The following PPP1R9A variants were observed in gnomAD, a reference collection of about 807,000 sequenced individuals.
PPP1R9A encodes neurabin-1.
In PPP1R9A, 59 loss-of-function variants were observed where a neutral mutation model predicts 141.9. The ratio of observed to expected loss-of-function variants is 0.42; its 90% CI spans 0.34 to 0.52. The LOEUF (loss-of-function observed/expected upper bound fraction) is 0.52. Ranked by LOEUF, PPP1R9A falls within the 20% of genes least tolerant of loss-of-function variation. The pLI, the probability that PPP1R9A is intolerant of heterozygous loss-of-function variation, is 0.10. For synonymous variants in PPP1R9A, 500 were observed against 569.7 expected, an observed-to-expected ratio of 0.88 and a Z score of 1.74; for missense variants, 1,444 against 1,611.9, an observed-to-expected ratio of 0.90 and a Z score of 1.78.
rs776614572 is a variant in PPP1R9A at position 95,274,063 on chromosome 7, T to C, written c.3213-22T>C. The stretch of plus-strand genomic sequence containing the variant: ...AGAGAAAATTTCAGCTTCCCCTTTC[T>C]GACTGCTTACTATCATTACAGGGCG... On this transcript the variant is annotated intron_variant, in intron 15 of 19. Transcript: ENST00000433360. 9.1e-6 allele frequency: 14 copies of C among 1,531,514 alleles called. No homozygotes were observed. In the South Asian group the frequency reaches 1.6e-4, roughly 18 times the overall value. 94.9% of individuals were successfully genotyped at this position (1,531,514 alleles called of 1,614,324 possible). A position where few individuals can be genotyped will look rare whatever the true frequency, so the allele number is the denominator to read the frequency against.
rs145727119 is a variant in PPP1R9A, at chr7:95,111,895, A to C, written c.1528+504A>C. On this transcript the variant is annotated intron_variant, in intron 3 of 19. Coordinates refer to ENST00000433360, the MANE Select transcript of PPP1R9A (RefSeq NM_001166160.2). ...GAGGGAGCAGAAAGGCTTCCTTCTG[A>C]TTTCTCTCCCAGGAATGACACCCTG... 5.2e-3 allele frequency among the ~76,000 whole-genome samples: 791 copies of C among 152,160 alleles called. 8 individuals are homozygous for C. Among genetic ancestry groups the C allele is most frequent in the African/African-American group, 0.018 (734 of 41,498 alleles).
intron 2 of PPP1R9A, among the ~76,000 whole-genome samples, chr7:95,073,775 T>G (rs1814386312): frequency 6.6e-6 from 1 of 151,900 alleles, no homozygotes; most frequent in African/African-American, 2.4e-5. Context: ...GTAGAGACAG[T>G]CTTGCTGTGT....
intron 12 of PPP1R9A, among the ~76,000 whole-genome samples, chr7:95,265,184 C>G (rs1801085339): frequency 6.6e-6 from 1 of 152,074 alleles, no homozygotes; most frequent in Non-Finnish European, 1.5e-5. Context: ...CAAAGTTAGC[C>G]CTTGACATGT....
intron 8 of PPP1R9A, among the ~76,000 whole-genome samples, chr7:95,235,970 G>A (rs1016301077): frequency 7.9e-5 from 12 of 152,120 alleles, no homozygotes; most frequent in African/African-American, 2.9e-4. Flanking sequence ...TGAGTGATAA[G>A]TTGGACTTTG....
chr7:95,247,392 G>T, intron 8 of PPP1R9A, 81 bp from the exon 9 acceptor site: 1 of 1,146,702 alleles, frequency 8.7e-7, no homozygotes, highest in Non-Finnish European at 1.3e-6. Context: ...TATGTAATAA[G>T]GCATTCTTGT....
chr7:94,958,505 C>T (rs1229804536), intron 2 of PPP1R9A, among the ~76,000 whole-genome samples: 1 of 152,002 alleles, frequency 6.6e-6, no homozygotes, highest in Non-Finnish European at 1.5e-5. Context: ...CATTTTCTTA[C>T]TCTCACCTTC....
chr7:95,182,992 T>C (rs1834079997), intron 5 of PPP1R9A, among the ~76,000 whole-genome samples: 1 of 152,198 alleles, frequency 6.6e-6, no homozygotes, highest in Non-Finnish European at 1.5e-5. Context: ...GAAATGTTGT[T>C]CCTGGAAGGG....
In PPP1R9A at chr7:95,262,275, A is replaced by G. The variant is rs185827792; in HGVS notation, c.2666-6275A>G. 9.0e-4 allele frequency among the ~76,000 whole-genome samples: 137 copies of G among 152,296 alleles called. 2 individuals carry two copies. The highest frequency in any genetic ancestry group is 8.0e-3 in the Admixed American group (123 of 15,302). Reference sequence around the variant, plus strand: ...CATGATGTCATAGTTCTACTCATAGATGCCTGCAGTCCCCAACTAGTTTGT... The same window carrying G: ...CATGATGTCATAGTTCTACTCATAGGTGCCTGCAGTCCCCAACTAGTTTGT... On this transcript the variant is annotated intron_variant, in intron 12 of 19. Coordinates refer to ENST00000433360, the MANE Select transcript of PPP1R9A (RefSeq NM_001166160.2).
At chr7:95,091,323 G>C (rs1817310966) in intron 2 of PPP1R9A, among the ~76,000 whole-genome samples, 1 of 143,198 alleles carries the variant, frequency 7.0e-6, no homozygotes, top group Non-Finnish European at 1.5e-5. Context: ...CTGTCTCTTT[G>C]CCTTGTTTTA....
At chr7:94,923,323 T>A (rs138158076) in intron 2 of PPP1R9A, among the ~76,000 whole-genome samples, 1 of 152,340 alleles carries the variant, frequency 6.6e-6, no homozygotes, top group East Asian at 1.9e-4. Context: ...ATGAGTAGTC[T>A]TACTAAAAAT....
chr7:95,241,489 G>T (rs963513394), intron 8 of PPP1R9A, among the ~76,000 whole-genome samples: 1 of 152,084 alleles, frequency 6.6e-6, no homozygotes. Flanking sequence ...ATGAACTGTT[G>T]TTTTTAGTTG....
At chr7:95,058,283 T>C (rs2152055712) in intron 2 of PPP1R9A, among the ~76,000 whole-genome samples, 1 of 152,324 alleles carries the variant, frequency 6.6e-6, no homozygotes, top group South Asian at 2.1e-4. Flanking sequence ...AGGTATTAGA[T>C]GTTATAACTG....
At chr7:95,175,458 T>C (rs1832761542) in intron 5 of PPP1R9A, among the ~76,000 whole-genome samples, 1 of 151,884 alleles carries the variant, frequency 6.6e-6, no homozygotes, top group Non-Finnish European at 1.5e-5. Context: ...CTATTTTCCT[T>C]CTATATATAA....
chr7:95,152,485 G>A (rs1450381183), intron 4 of PPP1R9A, among the ~76,000 whole-genome samples: 1 of 152,028 alleles, frequency 6.6e-6, no homozygotes, highest in Non-Finnish European at 1.5e-5. Context: ...TGTCCCATAT[G>A]TTATAAATCA....
chr7:94,908,356 T>G (rs1791032816), intron 1 of PPP1R9A: 1 of 152,114 alleles, frequency 6.6e-6, no homozygotes, highest in African/African-American at 2.4e-5. Flanking sequence ...CCTGTAATTT[T>G]TTTTCTTTTC....
chr7:94,967,273 T>A (rs1200738600), intron 2 of PPP1R9A, among the ~76,000 whole-genome samples: 1 of 152,152 alleles, frequency 6.6e-6, no homozygotes, highest in Non-Finnish European at 1.5e-5. Context: ...GCTCCTGGAT[T>A]CATTGATTTT....
intron 2 of PPP1R9A, among the ~76,000 whole-genome samples, chr7:94,934,317 TGTA>T (rs1210183642): frequency 1.3e-5 from 2 of 152,184 alleles, no homozygotes; most frequent in East Asian, 3.8e-4. Flanking sequence ...ACAGCACACC[TGTA>T]ACAATTTAGA....
Position 95,211,853 on chromosome 7 carries a change from A to C in PPP1R9A, c.1956+8123A>C, listed in dbSNP as rs980641953. Among the ~76,000 whole-genome samples, 5 of 152,126 alleles carry C rather than the reference A, an allele frequency of 3.3e-5. No individual in the cohort carries two copies. The South Asian group carries it at 1.0e-3, about 32-fold the overall frequency. ...TAATTTTGTAAAAGCCCGGCATGGC[A>C]TTGCTGCATGCCTATAGTCCCAACT... On this transcript the variant is annotated intron_variant, in intron 7 of 19. Transcript: ENST00000433360.
chr7:95,204,209 CAT>C (rs1053958628), intron 7 of PPP1R9A, among the ~76,000 whole-genome samples: 12 of 152,142 alleles, frequency 7.9e-5, no homozygotes, highest in African/African-American at 2.9e-4. Flanking sequence ...ATATGGTAGA[CAT>C]ATCAAAATAT....
Sources: allele counts gnomAD v4.1 joint callset (sites outside exome capture counted in the v4.1 genomes callset), GRCh38; gene constraint gnomAD v4.1.1; transcripts MANE v1.5; gene names NCBI Gene and HGNC (gene_info 2026-07-23, HGNC 2026-07-21).